The following MAGI3 variants were observed in gnomAD, a reference collection of about 807,000 sequenced individuals.
MAGI3 encodes the protein membrane associated guanylate kinase, WW and PDZ domain containing 3.
Under a neutral mutation model 121.8 loss-of-function variants are expected in MAGI3, and 43 were observed. The ratio of observed to expected loss-of-function variants is 0.35; its 90% CI spans 0.28 to 0.46. MAGI3 has a LOEUF of 0.46. MAGI3 is among the 20% of genes least tolerant of loss of function. The pLI is 1.00. For synonymous variants in MAGI3, 553 were observed against 639.3 expected (o/e 0.86, Z 2.04); for missense variants, 1,547 against 1,797.3 (o/e 0.86, Z 2.52).
At chr1:113,538,104 A>G (rs1659091837) in intron 1 of MAGI3, among the ~76,000 whole-genome samples, 1 of 152,226 alleles carries the variant, frequency 6.6e-6, no homozygotes, top group South Asian at 2.1e-4. Context: ...TTGGTTAATT[A>G]TATCAGCCTA....
chr1:113,572,769 T>G lies in MAGI3; in HGVS notation c.434-7773T>G, dbSNP rs182671199. 6.6e-5 allele frequency among the ~76,000 whole-genome samples: 10 copies of G among 152,308 alleles called. No individual in the cohort carries two copies. The East Asian group carries it at 1.7e-3, about 26-fold the overall frequency. On this transcript the variant is annotated intron_variant, in intron 2 of 20. Coordinates refer to ENST00000307546, the MANE Select transcript of MAGI3 (RefSeq NM_001142782.2). Reference sequence around the variant, plus strand: ...CTTTATCATTTTTTATTGCATTTATTTGATTCTTCTCTCTTTTCTTCTTTT... The same window carrying G: ...CTTTATCATTTTTTATTGCATTTATGTGATTCTTCTCTCTTTTCTTCTTTT...
intron 1 of MAGI3, among the ~76,000 whole-genome samples, chr1:113,476,172 C>T (rs1655808769): frequency 1.3e-5 from 2 of 152,226 alleles, no homozygotes; most frequent in South Asian, 4.1e-4. Context: ...AAAAAACCAG[C>T]TTCTAGATTC....
intron 4 of MAGI3, among the ~76,000 whole-genome samples, chr1:113,588,405 T>A (rs1014294475): frequency 1.3e-5 from 2 of 152,130 alleles, no homozygotes; most frequent in African/African-American, 4.8e-5. Context: ...TAGTAACCAA[T>A]AAGATCATTT....
intron 5 of MAGI3, among the ~76,000 whole-genome samples, chr1:113,594,011 G>A (rs951434581): frequency 1.2e-4 from 18 of 152,108 alleles, no homozygotes; most frequent in African/African-American, 4.1e-4. Flanking sequence ...TCTATCTGAT[G>A]TTTATTTATC....
intron 6 of MAGI3, among the ~76,000 whole-genome samples, chr1:113,608,596 T>A (rs1557850182): frequency 6.6e-6 from 1 of 152,214 alleles, no homozygotes; most frequent in Non-Finnish European, 1.5e-5. Flanking sequence ...AGAATACGCC[T>A]CTGCAGGCAG....
intron 9 of MAGI3, among the ~76,000 whole-genome samples, chr1:113,633,425 C>T (rs886175421): frequency 6.6e-6 from 1 of 150,894 alleles, no homozygotes; most frequent in East Asian, 2.0e-4. Context: ...CTACGCCCGG[C>T]TAATTTTTTG....
chr1:113,408,308 A>C (rs1351150333), intron 1 of MAGI3, among the ~76,000 whole-genome samples: 3 of 152,186 alleles, frequency 2.0e-5, no homozygotes, highest in African/African-American at 7.2e-5. Flanking sequence ...AATTTTATGC[A>C]TATGACTGAC....
chr1:113,409,177 T>C (rs954830273), intron 1 of MAGI3, among the ~76,000 whole-genome samples: 3 of 150,506 alleles, frequency 2.0e-5, no homozygotes, highest in Non-Finnish European at 4.4e-5. Context: ...TTTTTTTTTT[T>C]CTTTTTTTTT....
chr1:113,493,908 C>T lies in MAGI3; in HGVS notation c.317-55607C>T, dbSNP rs111856225. Reference sequence around the variant, plus strand: ...TTGGAGAGAAAAAGGAACACTTATACGCTGTTGATGGGAATGAGTGTAAAT... The same window carrying T: ...TTGGAGAGAAAAAGGAACACTTATATGCTGTTGATGGGAATGAGTGTAAAT... On this transcript the variant is annotated intron_variant, in intron 1 of 20. Transcript: ENST00000307546. 3.3e-3 allele frequency among the ~76,000 whole-genome samples: 498 copies of T among 152,244 alleles called. 5 individuals carry two copies. Among genetic ancestry groups the T allele is most frequent in the African/African-American group, 8.6e-3 (359 of 41,558 alleles).
chr1:113,418,464 C>T (rs1308090329), intron 1 of MAGI3, among the ~76,000 whole-genome samples: 4 of 152,122 alleles, frequency 2.6e-5, no homozygotes, highest in Admixed American at 6.6e-5. Flanking sequence ...GAGTCTTACC[C>T]AAATCAAGTC....
chr1:113,531,111 C>T (rs753037257), intron 1 of MAGI3, among the ~76,000 whole-genome samples: 2 of 152,040 alleles, frequency 1.3e-5, no homozygotes, highest in Non-Finnish European at 2.9e-5. Context: ...AGTCCATGTG[C>T]ATCAGAGGCT....
intron 1 of MAGI3, among the ~76,000 whole-genome samples, chr1:113,425,778 G>A (rs959171947): frequency 6.6e-6 from 1 of 151,956 alleles, no homozygotes; most frequent in Non-Finnish European, 1.5e-5. Flanking sequence ...CCTGACATTG[G>A]TGATTTGTAT....
intron 2 of MAGI3, among the ~76,000 whole-genome samples, chr1:113,579,351 C>T (rs188507135): frequency 9.2e-5 from 14 of 152,178 alleles, no homozygotes; most frequent in African/African-American, 3.1e-4. Flanking sequence ...TGACAACGAC[C>T]TTGAAAGTAT....
rs76977595 is a variant in MAGI3, at chr1:113,456,853, C to CT, written c.316+65518dup. Among the ~76,000 whole-genome samples, 1,301 of 139,652 alleles carry CT rather than the reference C, an allele frequency of 9.3e-3. 6 individuals are homozygous for CT. The highest frequency in any genetic ancestry group is 0.018 in the African/African-American group (679 of 38,330). 91.6% of individuals were successfully genotyped at this position (139,652 alleles called of 152,430 possible). ...AAATAAAGAGGCTTGCGGATACAGC[C>CT]TTTTTTTTTTTTTTCCAAGTTCTAG... On this transcript the variant is annotated intron_variant, in intron 1 of 20. Coordinates refer to ENST00000307546, the MANE Select transcript of MAGI3 (RefSeq NM_001142782.2).
chr1:113,677,163 T>C (rs1647924823), intron 19 of MAGI3, among the ~76,000 whole-genome samples: 1 of 152,180 alleles, frequency 6.6e-6, no homozygotes, highest in Admixed American at 6.5e-5. Flanking sequence ...TGTTCTGGGA[T>C]AAGGAACTGA....
At chr1:113,553,037 ATACT>A (rs1557819365) in intron 2 of MAGI3, among the ~76,000 whole-genome samples, 4 of 152,200 alleles carry the variant, frequency 2.6e-5, no homozygotes. Flanking sequence ...GGGGTGCTTG[ATACT>A]TACTCCAAAA....
intron 1 of MAGI3, among the ~76,000 whole-genome samples, chr1:113,393,106 CATT>C (rs1650915802): frequency 1.3e-5 from 2 of 152,250 alleles, no homozygotes; most frequent in South Asian, 4.2e-4. Flanking sequence ...TATTTCATAA[CATT>C]AGTCTAATCT....
chr1:113,477,479 C>T (rs1430483692), intron 1 of MAGI3, among the ~76,000 whole-genome samples: 5 of 152,244 alleles, frequency 3.3e-5, no homozygotes, highest in Admixed American at 3.3e-4. Flanking sequence ...TTCTCCTTCA[C>T]TTATGAAGCT....
At chr1:113,470,827 T>C (rs577828253) in intron 1 of MAGI3, among the ~76,000 whole-genome samples, 186 of 152,314 alleles carry the variant, frequency 1.2e-3, no homozygotes, top group African/African-American at 4.4e-3. Flanking sequence ...CTGAGTATAA[T>C]ACCCTCTAGG....
Sources: allele counts gnomAD v4.1 joint callset (sites outside exome capture counted in the v4.1 genomes callset), GRCh38; gene constraint gnomAD v4.1.1; transcripts MANE v1.5; gene names NCBI Gene and HGNC (gene_info 2026-07-23, HGNC 2026-07-21).